C11orf65: variants seen among roughly 807,000 people sequenced by gnomAD.
C11orf65 encodes the protein protein MFI.
C11orf65 carries 38 observed loss-of-function variants against 35.3 expected under a neutral mutation model. That is an observed-to-expected ratio of 1.08 (90% confidence interval 0.83 to 1.41). C11orf65 has a LOEUF of 1.41. C11orf65 is among the 40% of genes most tolerant of loss of function. The probability of loss-of-function intolerance (pLI) is 0.00; values close to 1 mark genes in which losing one functional copy is unlikely to be tolerated. For synonymous variants in C11orf65, 105 were observed against 114.4 expected, an observed-to-expected ratio of 0.92 and a Z score of 0.53; for missense variants, 370 against 367.1, an observed-to-expected ratio of 1.01 and a Z score of -0.06.
chr11:108,373,033 C>T (rs1438169065), intron 2 of C11orf65, among the ~76,000 whole-genome samples: 6 of 151,890 alleles, frequency 4.0e-5, no homozygotes, highest in Admixed American at 3.3e-4. Flanking sequence ...TGGGCCGAGA[C>T]GTGCCACTGC....
At chr11:108,356,219 A>G (rs1374685527) in intron 2 of C11orf65, 3 of 152,126 alleles carry the variant, frequency 2.0e-5, no homozygotes, top group African/African-American at 7.2e-5. Context: ...CTCTAAAGTT[A>G]TATTATCTTG....
chr11:108,416,347 G>C (rs2092731086), intron 3 of C11orf65, among the ~76,000 whole-genome samples: 1 of 152,134 alleles, frequency 6.6e-6, no homozygotes, highest in Non-Finnish European at 1.5e-5. Flanking sequence ...CATATGAAAA[G>C]ATGGTCAACG....
At chr11:108,331,772 A>G (rs1391701917) in intron 3 of C11orf65, 16 of 1,381,790 alleles carry the variant, frequency 1.2e-5, no homozygotes, top group African/African-American at 1.0e-4. Context: ...CGCTCTACCC[A>G]CTGCAGTATC....
intron 2 of C11orf65, among the ~76,000 whole-genome samples, chr11:108,336,987 T>C (rs769767686): frequency 1.3e-5 from 2 of 152,256 alleles, no homozygotes; most frequent in African/African-American, 2.4e-5. Context: ...TAACAGGGAC[T>C]ATGGGTGACA....
intron 3 of C11orf65, among the ~76,000 whole-genome samples, chr11:108,427,305 T>A (rs1427035154): frequency 1.4e-5 from 2 of 147,688 alleles, no homozygotes; most frequent in Non-Finnish European, 3.0e-5. Flanking sequence ...AAAGGGCTAA[T>A]ATCCAGAATC....
chr11:108,401,442 CTT>C (rs1430144011), intron 6 of C11orf65, among the ~76,000 whole-genome samples: 3 of 152,300 alleles, frequency 2.0e-5, no homozygotes, highest in South Asian at 2.1e-4. Context: ...GCTAGTGAGC[CTT>C]ATCTCTCCTT....
chr11:108,417,401 G>A (rs535542657), intron 3 of C11orf65, among the ~76,000 whole-genome samples: 2 of 151,886 alleles, frequency 1.3e-5, no homozygotes, highest in Admixed American at 6.6e-5. Flanking sequence ...AAAATTAGCC[G>A]GGCGTGGTGG....
chr11:108,341,659 G>A lies in C11orf65; in HGVS notation c.227-6367C>T, dbSNP rs564799351. Among the ~76,000 whole-genome samples, 98 of 152,122 alleles carry A rather than the reference G, an allele frequency of 6.4e-4. 2 individuals are homozygous for A. In the Middle Eastern group the frequency reaches 0.027, roughly 42 times the overall value. The stretch of plus-strand genomic sequence containing the variant: ...AGGACGAGTGACCAGCTGAGAAAAC[G>A]AATATAATAATGTTAATTAGAACAA... On this transcript the variant is annotated intron_variant, in intron 2 of 3. Coordinates refer to the C11orf65 transcript ENST00000524755.
At chr11:108,342,907 T>C (rs1383476045) in intron 2 of C11orf65, among the ~76,000 whole-genome samples, 1 of 152,166 alleles carries the variant, frequency 6.6e-6, no homozygotes, top group Non-Finnish European at 1.5e-5. Context: ...ATTCCTCTCC[T>C]AACTGGACAA....
At position 108,332,028 on chromosome 11, in the gene C11orf65, G is replaced by A. The variant is rs770321620; in HGVS notation, c.300-461C>T. ...AAAATGTGCCTAAACAAAGCTCTCA[G>A]CTTGATGAGGTATTTGGATTAAACA... On this transcript the variant is annotated intron_variant, in intron 3 of 3. Transcript: ENST00000524755. 5.6e-6 allele frequency: 9 copies of A among 1,613,640 alleles called. No individual in the cohort carries two copies. In the African/African-American group the frequency reaches 1.2e-4, roughly 22 times the overall value.
intron 2 of C11orf65, among the ~76,000 whole-genome samples, chr11:108,443,846 A>G (rs534478477): frequency 1.3e-5 from 2 of 152,336 alleles, no homozygotes; most frequent in Admixed American, 6.5e-5. Context: ...TTATAGCACT[A>G]AATTACCACC....
At chr11:108,367,329 T>C (rs2091385444) in intron 2 of C11orf65, 1 of 184,012 alleles carries the variant, frequency 5.4e-6, no homozygotes, top group African/African-American at 2.3e-5. Context: ...CCCTTTCTTG[T>C]AAGTTCTGCT....
At chr11:108,450,974 C>T (rs891809785) in intron 2 of C11orf65, among the ~76,000 whole-genome samples, 1 of 151,828 alleles carries the variant, frequency 6.6e-6, no homozygotes, top group Non-Finnish European at 1.5e-5. Flanking sequence ...ATGCTAAAAA[C>T]TCTCAATAAA....
chr11:108,376,783 A>T (rs2091738536), intron 2 of C11orf65, among the ~76,000 whole-genome samples: 1 of 152,120 alleles, frequency 6.6e-6, no homozygotes, highest in Admixed American at 6.5e-5. Context: ...CACAATAAAA[A>T]ATGATAAAGG....
At chr11:108,417,537 A>G (rs188599378) in intron 3 of C11orf65, among the ~76,000 whole-genome samples, 3 of 150,824 alleles carry the variant, frequency 2.0e-5, no homozygotes, top group East Asian at 3.9e-4. Flanking sequence ...ACAGAACGAG[A>G]CTCTGTCTCA....
intron 3 of C11orf65, among the ~76,000 whole-genome samples, chr11:108,423,787 C>A (rs2092857199): frequency 6.6e-6 from 1 of 152,130 alleles, no homozygotes; most frequent in South Asian, 2.1e-4. Context: ...AGTGGAACTC[C>A]AGCAGACTCC....
In C11orf65 at chr11:108,375,137, C is replaced by T. The variant is rs567154762; in HGVS notation, c.226+18071G>A. On this transcript the variant is annotated intron_variant, in intron 2 of 3. Transcript: ENST00000524755. ...GTTCAGGTTCAGGAAATACAGAGAA[C>T]GCCACAAAGATACTCCTCGAGAAGA... Among the ~76,000 whole-genome samples the T allele has an allele frequency of 7.1e-3, 1,075 of 151,882 alleles. 27 individuals are homozygous for T. The highest frequency in any genetic ancestry group is 0.055 in the Admixed American group (828 of 15,188).
chr11:108,435,940 T>A (rs577918016), intron 2 of C11orf65, among the ~76,000 whole-genome samples: 1 of 152,222 alleles, frequency 6.6e-6, no homozygotes, highest in South Asian at 2.1e-4. Context: ...AGGTTGCTAA[T>A]CAGCTGACTT....
At chr11:108,359,469 C>T (rs1176455914) in intron 2 of C11orf65, among the ~76,000 whole-genome samples, 3 of 152,044 alleles carry the variant, frequency 2.0e-5, no homozygotes, top group Admixed American at 2.0e-4. Context: ...ACAGAACTCT[C>T]CACCCCAAAT....
Sources: gnomAD v4.1 joint callset for allele counts (sites outside exome capture counted in the v4.1 genomes callset) on GRCh38, gnomAD v4.1.1 for gene constraint, MANE v1.5 for transcripts, NCBI Gene and HGNC (gene_info 2026-07-23, HGNC 2026-07-21) for gene names.